Variants in PRKG1 observed in about 807,000 individuals in gnomAD.
PRKG1 encodes protein kinase cGMP-dependent 1, also known as cGMP-dependent protein kinase 1.
PRKG1 carries 35 observed loss-of-function variants against 88.1 expected under a neutral mutation model. The ratio of observed to expected loss-of-function variants is 0.40; its 90% CI spans 0.30 to 0.53. PRKG1 has a LOEUF of 0.53. Ranked by LOEUF, PRKG1 falls within the 20% of genes least tolerant of loss-of-function variation. The probability of loss-of-function intolerance (pLI) is 0.59; values close to 1 mark genes in which losing one functional copy is unlikely to be tolerated. For synonymous variants in PRKG1, 303 were observed against 292.5 expected (o/e 1.04, Z -0.37); for missense variants, 540 against 839.8 (o/e 0.64, Z 4.41).
intron 7 of PRKG1, among the ~76,000 whole-genome samples, chr10:52,130,157 T>G (rs907923166): frequency 2.0e-5 from 3 of 152,160 alleles, no homozygotes; most frequent in African/African-American, 7.2e-5. Context: ...ATATGTTGGT[T>G]TTTCCCCCCA....
At chr10:51,919,814 T>G (rs1042946889) in intron 5 of PRKG1, among the ~76,000 whole-genome samples, 20 of 152,162 alleles carry the variant, frequency 1.3e-4, no homozygotes, top group Admixed American at 4.6e-4. Flanking sequence ...CTCCCAGTTT[T>G]CTGTAAGTAC....
chr10:51,622,502 C>G (rs1036109675), intron 3 of PRKG1, among the ~76,000 whole-genome samples: 5 of 152,202 alleles, frequency 3.3e-5, no homozygotes, highest in Admixed American at 2.6e-4. Context: ...CCCAAACTTT[C>G]TGCTTTCTAT....
At chr10:52,150,149 AAATAATAAT>A (rs67354776) in intron 8 of PRKG1, among the ~76,000 whole-genome samples, 1 of 82,400 alleles carries the variant, frequency 1.2e-5, no homozygotes, top group African/African-American at 3.4e-5. Flanking sequence ...CTCCATCTCA[AAATAATAAT>A]AATAATAATA....
At chr10:52,052,124 A>C (rs1402154124) in intron 5 of PRKG1, among the ~76,000 whole-genome samples, 1 of 152,222 alleles carries the variant, frequency 6.6e-6, no homozygotes, top group African/African-American at 2.4e-5. Context: ...CACACTGGTC[A>C]TATTTCAAAT....
chr10:51,013,904 A>C (rs1428978166), intron 1 of PRKG1, among the ~76,000 whole-genome samples: 1 of 152,182 alleles, frequency 6.6e-6, no homozygotes, highest in African/African-American at 2.4e-5. Context: ...ATTTGTTTTA[A>C]ATCGTCTTAA....
At chr10:51,083,420 G>A (rs1487393558) in intron 1 of PRKG1, among the ~76,000 whole-genome samples, 2 of 151,986 alleles carry the variant, frequency 1.3e-5, no homozygotes, top group Non-Finnish European at 2.9e-5. Context: ...CCAATGCTAA[G>A]TTGAAGGTGA....
chr10:52,210,035 G>T (rs1314403875), intron 9 of PRKG1, among the ~76,000 whole-genome samples: 1 of 152,094 alleles, frequency 6.6e-6, no homozygotes, highest in African/African-American at 2.4e-5. Flanking sequence ...TAAATGGAAG[G>T]AGCAATTATC....
At chr10:51,367,915 C>T (rs1475455134) in intron 2 of PRKG1, among the ~76,000 whole-genome samples, 2 of 152,008 alleles carry the variant, frequency 1.3e-5, no homozygotes, top group Admixed American at 6.6e-5. Context: ...TACACCTCAG[C>T]TTGACCCCTC....
chr10:51,759,011 G>T (rs1362576830), intron 3 of PRKG1, among the ~76,000 whole-genome samples: 1 of 152,014 alleles, frequency 6.6e-6, no homozygotes, highest in Non-Finnish European at 1.5e-5. Context: ...CCATGTCTCT[G>T]CAAAGGACAT....
At chr10:51,831,815 T>A (rs1320465972) in intron 4 of PRKG1, among the ~76,000 whole-genome samples, 1 of 152,134 alleles carries the variant, frequency 6.6e-6, no homozygotes, top group Non-Finnish European at 1.5e-5. Context: ...CAGAATTTAG[T>A]CACCTTGTTG....
At chr10:51,548,052 A>G (rs1842484255) in intron 3 of PRKG1, among the ~76,000 whole-genome samples, 1 of 152,112 alleles carries the variant, frequency 6.6e-6, no homozygotes, top group Non-Finnish European at 1.5e-5. Context: ...TTTCCTGATA[A>G]CCTGCTTTGC....
intron 2 of PRKG1, among the ~76,000 whole-genome samples, chr10:51,216,944 A>G (rs1291612591): frequency 6.6e-6 from 1 of 152,150 alleles, no homozygotes; most frequent in African/African-American, 2.4e-5. Flanking sequence ...GAATAAAATC[A>G]TTGTCATTTT....
chr10:51,539,556 G>A (rs1842248428), intron 3 of PRKG1, among the ~76,000 whole-genome samples: 1 of 152,136 alleles, frequency 6.6e-6, no homozygotes, highest in South Asian at 2.1e-4. Context: ...ATTTTCTCAA[G>A]ACTTGACCGA....
At chr10:52,229,750 C>A (rs947823022) in intron 9 of PRKG1, among the ~76,000 whole-genome samples, 1 of 152,156 alleles carries the variant, frequency 6.6e-6, no homozygotes, top group Non-Finnish European at 1.5e-5. Flanking sequence ...GCGTCTTGTG[C>A]TGAAGCAGCA....
chr10:52,106,998 C>T (rs1026986654), intron 7 of PRKG1, among the ~76,000 whole-genome samples: 8 of 152,106 alleles, frequency 5.3e-5, no homozygotes, highest in African/African-American at 1.7e-4. Flanking sequence ...GGAAGCTTTG[C>T]TTTATCTTTA....
chr10:51,301,836 A>G (rs1386085715), intron 2 of PRKG1, among the ~76,000 whole-genome samples: 1 of 152,228 alleles, frequency 6.6e-6, no homozygotes, highest in East Asian at 1.9e-4. Context: ...TTTTGCAGTC[A>G]GAGGAGTTCA....
chr10:52,015,156 G>T (rs937380278), intron 5 of PRKG1, among the ~76,000 whole-genome samples: 4 of 152,224 alleles, frequency 2.6e-5, no homozygotes, highest in Non-Finnish European at 2.9e-5. Flanking sequence ...CCTAGTATAG[G>T]TTCTCCACGA....
At chr10:51,118,484 T>G (rs1845183600) in intron 1 of PRKG1, among the ~76,000 whole-genome samples, 1 of 152,166 alleles carries the variant, frequency 6.6e-6, no homozygotes, top group South Asian at 2.1e-4. Context: ...CCATTAAAAA[T>G]GATAATAACT....
At chr10:51,787,018 C>G (rs998683275) in intron 3 of PRKG1, among the ~76,000 whole-genome samples, 9 of 152,036 alleles carry the variant, frequency 5.9e-5, no homozygotes, top group African/African-American at 2.2e-4. Flanking sequence ...TTGATCTGAA[C>G]ATTTTTGGTC....
Sources: allele counts gnomAD v4.1 joint callset (sites outside exome capture counted in the v4.1 genomes callset), GRCh38; gene constraint gnomAD v4.1.1; transcripts MANE v1.5; gene names NCBI Gene and HGNC (gene_info 2026-07-23, HGNC 2026-07-21).